The following UBAP2 variants were observed in gnomAD, a reference collection of about 807,000 sequenced individuals.
UBAP2 encodes ubiquitin associated protein 2, also known as ubiquitin-associated protein 2.
UBAP2 carries 75 observed loss-of-function variants against 139.6 expected under a neutral mutation model. That is an observed-to-expected ratio of 0.54 (90% CI 0.45 to 0.65). The LOEUF is 0.65. Among genes scored for constraint, UBAP2 ranks in the 30% least tolerant of loss-of-function variants. The pLI is 0.00. For missense variants in UBAP2, 1,368 were observed against 1,369.6 expected (o/e 1.00, Z 0.02); for synonymous variants, 526 against 526.2 (o/e 1.00, Z 0.01).
intron 19 of UBAP2, chr9:33,928,260 A>C (rs1023360314): frequency 2.6e-6 from 1 of 385,796 alleles, no homozygotes. Flanking sequence ...ACTCTCTGTA[A>C]AAATCCTTCA....
chr9:33,943,391 G>T (rs1252882689), intron 15 of UBAP2, 29 bp downstream of exon 15: 28 of 1,609,560 alleles, frequency 1.7e-5, no homozygotes, highest in Non-Finnish European at 2.4e-5. Flanking sequence ...GGTCTATTTT[G>T]CTTCATAACA....
intron 6 of UBAP2, among the ~76,000 whole-genome samples, chr9:33,976,175 A>T (rs1045923755): frequency 2.6e-5 from 4 of 152,248 alleles, no homozygotes; most frequent in Non-Finnish European, 5.9e-5. Context: ...GAAAACTTTC[A>T]GTCTATAGCT....
rs754006766 is a variant in UBAP2 at position 33,932,570 on chromosome 9, A to C, written c.2167T>G (p.Ser723Ala). ...SAHAALSSST[S>A]HTHASVESAS... Reference sequence around the variant, plus strand: ...GCCGCGCAGACACTTACTGTGTGTGACGTGCTCGAGGAGAGGGCTGCATGT... The same window carrying C: ...GCCGCGCAGACACTTACTGTGTGTGCCGTGCTCGAGGAGAGGGCTGCATGT... Residue 723 changes from serine to alanine, a missense_variant, in exon 19 of 29, where the codon TCA becomes GCA. Ser to Ala is a moderately conservative substitution (Grantham distance 99, BLOSUM62 1). Transcript: ENST00000379238. 2.0e-5 allele frequency: 32 copies of C among 1,613,892 alleles called. No individual in the cohort carries two copies. The highest frequency in any genetic ancestry group is 2.5e-5 in the Non-Finnish European group (30 of 1,180,040).
rs186283767 is a variant in UBAP2, at chr9:33,985,413, C to T, written c.520+1347G>A. On this transcript the variant is annotated intron_variant, in intron 6 of 28. Transcript: ENST00000379238. ...CACAATATTCACAAATATAGAGAAT[C>T]AACCTAAGTGTTCATCAACAGATGA... 5.7e-4 allele frequency among the ~76,000 whole-genome samples: 87 copies of T among 152,238 alleles called. 1 individual carries two copies. Among genetic ancestry groups the T allele is most frequent in the Non-Finnish European group, 4.3e-4 (29 of 68,024 alleles).
intron 1 of UBAP2, among the ~76,000 whole-genome samples, chr9:34,036,899 C>A (rs1826441140): frequency 6.7e-6 from 1 of 149,852 alleles, no homozygotes; most frequent in South Asian, 2.1e-4. Flanking sequence ...CTGACCTCTG[C>A]CTCCCCTCCA....
chr9:33,997,232 C>G (rs934122118), intron 3 of UBAP2: 1 of 152,166 alleles, frequency 6.6e-6, no homozygotes, highest in African/African-American at 2.4e-5. Flanking sequence ...GCAAGAGATA[C>G]TTGTTACTTA....
chr9:33,974,648 TACTCCATTCAA>T lies in UBAP2; in HGVS notation c.521-1422_521-1412del, dbSNP rs559912136. On this transcript the variant is annotated intron_variant, in intron 6 of 28. Transcript: ENST00000379238. ...GAACTCCTAAAACTCGACAACAAAA[TACTCCATTCAA>T]AATGGGCAACGGCCAGGCCCGGTGG... is the stretch of plus-strand genomic sequence containing the variant. Among the ~76,000 whole-genome samples, 16 of 151,074 alleles carry T rather than the reference TACTCCATTCAA, an allele frequency of 1.1e-4. No individual in the cohort carries two copies. In the South Asian group the frequency reaches 3.1e-3, roughly 30 times the overall value.
At chr9:34,016,496 G>A (rs965590079) in intron 2 of UBAP2, among the ~76,000 whole-genome samples, 3 of 151,820 alleles carry the variant, frequency 2.0e-5, no homozygotes, top group African/African-American at 7.3e-5. Context: ...AATTGTACCT[G>A]AATCAAGTAC....
chr9:33,934,831 C>A (rs1366086031), intron 17 of UBAP2, among the ~76,000 whole-genome samples: 1 of 152,158 alleles, frequency 6.6e-6, no homozygotes, highest in Non-Finnish European at 1.5e-5. Flanking sequence ...GTCAAAAGTT[C>A]CTCTGTCATC....
chr9:33,956,625 G>A (rs1243261657), intron 10 of UBAP2, among the ~76,000 whole-genome samples: 4 of 151,952 alleles, frequency 2.6e-5, no homozygotes, highest in South Asian at 2.1e-4. Context: ...CATGGCGCCC[G>A]GCTGCAAGTG....
chr9:33,946,774 G>A lies in UBAP2; in HGVS notation c.1270+1600C>T, dbSNP rs892533458. On this transcript the variant is annotated intron_variant, in intron 13 of 28. Coordinates refer to ENST00000379238, the MANE Select transcript of UBAP2 (RefSeq NM_001370062.2). Reference sequence around the variant, plus strand: ...ATTCATTTTTGAACTTGGTATTATAGGCATGCACCAAACACACAGGTTTTA... The same window carrying A: ...ATTCATTTTTGAACTTGGTATTATAAGCATGCACCAAACACACAGGTTTTA... Among the ~76,000 whole-genome samples, 17 of 152,234 alleles carry A rather than the reference G, an allele frequency of 1.1e-4. No homozygotes were observed. The East Asian group carries it at 3.3e-3, about 29-fold the overall frequency.
Position 33,927,759 on chromosome 9 carries a change from G to A in UBAP2, c.2371+38C>T, listed in dbSNP as rs1045161805. On this transcript the variant is annotated intron_variant, in intron 20 of 28. Coordinates refer to ENST00000379238, the MANE Select transcript of UBAP2 (RefSeq NM_001370062.2). ...GACGCCAAGCAGGCACCTTTGAGGG[G>A]CTCAGGGGTGGGCAGGAAAGGCCTC... 4.4e-6 allele frequency: 7 copies of A among 1,573,078 alleles called. No homozygotes were observed. In the South Asian group the frequency reaches 4.8e-5, roughly 11 times the overall value.
rs532101490 is a variant in UBAP2 at position 33,924,998 on chromosome 9, T to C, written c.2512-714A>G. Among the ~76,000 whole-genome samples, 43 of 152,300 alleles carry C rather than the reference T, an allele frequency of 2.8e-4. 1 individual carries two copies. In the South Asian group the frequency reaches 7.7e-3, roughly 27 times the overall value. ...AATGTGGCCCAAGGAAGCCAAAACA[T>C]TGGACACCCCTGGCCCAGGACTTGG... is the stretch of plus-strand genomic sequence containing the variant. On this transcript the variant is annotated intron_variant, in intron 22 of 28. Transcript: ENST00000379238.
chr9:33,971,241 T>C (rs781625912), intron 8 of UBAP2, among the ~76,000 whole-genome samples: 1 of 152,230 alleles, frequency 6.6e-6, no homozygotes, highest in Non-Finnish European at 1.5e-5. Context: ...AGAGGCAACG[T>C]TGCTACAAAC....
intron 6 of UBAP2, among the ~76,000 whole-genome samples, chr9:33,974,127 T>C (rs1564039001): frequency 6.6e-6 from 1 of 151,888 alleles, no homozygotes; most frequent in African/African-American, 2.4e-5. Flanking sequence ...GAGTTGGAGG[T>C]TGCAGTGAGG....
At chr9:34,032,378 C>G (rs984113660) in intron 1 of UBAP2, among the ~76,000 whole-genome samples, 1 of 152,102 alleles carries the variant, frequency 6.6e-6, no homozygotes, top group African/African-American at 2.4e-5. Flanking sequence ...ACTCACACTC[C>G]CTCTGCCCTG....
At chr9:33,925,977 G>C (rs1428984753) in intron 22 of UBAP2, among the ~76,000 whole-genome samples, 1 of 152,194 alleles carries the variant, frequency 6.6e-6, no homozygotes. Context: ...CCACAGTTCT[G>C]TTCATGTGGC....
intron 1 of UBAP2, among the ~76,000 whole-genome samples, chr9:34,021,118 G>A (rs991589227): frequency 2.6e-5 from 4 of 152,098 alleles, no homozygotes; most frequent in African/African-American, 9.7e-5. Context: ...AAATAGAGGA[G>A]ACTAACCATA....
At chr9:34,002,920 C>T (rs369920209) in intron 2 of UBAP2, among the ~76,000 whole-genome samples, 2 of 152,026 alleles carry the variant, frequency 1.3e-5, no homozygotes, top group African/African-American at 4.8e-5. Flanking sequence ...ACCCCCCGAG[C>T]TTAAGCAATT....
Sources: gnomAD v4.1 joint callset for allele counts (sites outside exome capture counted in the v4.1 genomes callset) on GRCh38, gnomAD v4.1.1 for gene constraint, MANE v1.5 for transcripts, NCBI Gene and HGNC (gene_info 2026-07-23, HGNC 2026-07-21) for gene names.